EYA2: variants seen among roughly 807,000 people sequenced by gnomAD.
EYA2 encodes the protein protein phosphatase EYA2.
In EYA2, 31 loss-of-function variants were observed where a neutral mutation model predicts 69.2. The ratio of observed to expected loss-of-function variants is 0.45; its 90% CI spans 0.34 to 0.60. The LOEUF is 0.60. Among genes scored for constraint, EYA2 ranks in the 20% least tolerant of loss-of-function variants. The pLI is 0.02. For synonymous variants in EYA2, 257 were observed against 279.4 expected (o/e 0.92, Z 0.80); for missense variants, 622 against 701.2 (o/e 0.89, Z 1.28).
intron 9 of EYA2, among the ~76,000 whole-genome samples, chr20:47,140,336 C>A (rs779029012): frequency 6.6e-6 from 1 of 152,132 alleles, no homozygotes; most frequent in African/African-American, 2.4e-5. Context: ...CTTTGGCTCT[C>A]GGGGCCTTGA....
chr20:47,086,952 A>G (rs555779332), intron 7 of EYA2, among the ~76,000 whole-genome samples: 3 of 152,190 alleles, frequency 2.0e-5, no homozygotes, highest in Non-Finnish European at 2.9e-5. Flanking sequence ...TAAGCCCAGT[A>G]GCCTTAAACT....
At chr20:47,165,865 C>T (rs568048436) in intron 10 of EYA2, among the ~76,000 whole-genome samples, 6 of 152,200 alleles carry the variant, frequency 3.9e-5, no homozygotes, top group Admixed American at 1.3e-4. Context: ...CCCTCTCTTG[C>T]CTCCCTAAAC....
intron 4 of EYA2, among the ~76,000 whole-genome samples, chr20:47,009,762 C>T (rs560723152): frequency 6.6e-6 from 1 of 152,300 alleles, no homozygotes; most frequent in South Asian, 2.1e-4. Context: ...AACGAATGGG[C>T]TGTCTATGTC....
chr20:46,938,149 T>C (rs1261607610), intron 1 of EYA2, among the ~76,000 whole-genome samples: 1 of 152,238 alleles, frequency 6.6e-6, no homozygotes, highest in Non-Finnish European at 1.5e-5. Context: ...TCCCCAGCTC[T>C]TTAATTTGGA....
intron 1 of EYA2, among the ~76,000 whole-genome samples, chr20:46,963,912 CAGAG>C (rs773378198): frequency 5.3e-5 from 8 of 152,190 alleles, no homozygotes; most frequent in Non-Finnish European, 1.0e-4. Context: ...CAGGAGGAGA[CAGAG>C]AGAGATGAGG....
At chr20:46,913,668 T>C (rs1262975981) in intron 1 of EYA2, among the ~76,000 whole-genome samples, 4 of 152,068 alleles carry the variant, frequency 2.6e-5, no homozygotes, top group African/African-American at 9.7e-5. Flanking sequence ...GCTTTTAAGA[T>C]AGAGCCGATA....
chr20:46,956,509 A>G (rs573542275), intron 1 of EYA2, among the ~76,000 whole-genome samples: 35 of 152,174 alleles, frequency 2.3e-4, no homozygotes, highest in Non-Finnish European at 4.7e-4. Flanking sequence ...TTCTCCCTAT[A>G]GTGTCTCAGA....
chr20:46,976,764 G>A (rs1413119498), intron 1 of EYA2, among the ~76,000 whole-genome samples: 1 of 152,166 alleles, frequency 6.6e-6, no homozygotes, highest in Non-Finnish European at 1.5e-5. Context: ...ACATTCCGTG[G>A]GGAATATAGA....
intron 1 of EYA2, among the ~76,000 whole-genome samples, chr20:46,967,799 C>G (rs1431966488): frequency 6.6e-6 from 1 of 152,196 alleles, no homozygotes; most frequent in Non-Finnish European, 1.5e-5. Flanking sequence ...GGAGAGACAG[C>G]TGCTGCTTGC....
At chr20:47,105,986 C>T (rs2032567804) in intron 9 of EYA2, among the ~76,000 whole-genome samples, 1 of 152,210 alleles carries the variant, frequency 6.6e-6, no homozygotes, top group Admixed American at 6.5e-5. Flanking sequence ...ACTCCCTGGC[C>T]TGAGTGACTG....
chr20:47,049,554 T>TC (rs1568745340), intron 5 of EYA2, among the ~76,000 whole-genome samples: 1 of 152,092 alleles, frequency 6.6e-6, no homozygotes, highest in Non-Finnish European at 1.5e-5. Flanking sequence ...GTCTGGGACC[T>TC]CCCCCTTTCC....
At chr20:47,169,337 T>G (rs1474263570) in intron 11 of EYA2, 140 bp downstream of exon 11, 3 of 813,690 alleles carry the variant, frequency 3.7e-6, no homozygotes, top group Non-Finnish European at 6.2e-6. Context: ...CTGGGACTTT[T>G]GCATCTCAGA....
chr20:47,122,410 C>T (rs1399298156), intron 9 of EYA2, among the ~76,000 whole-genome samples: 3 of 150,816 alleles, frequency 2.0e-5, no homozygotes, highest in Admixed American at 6.6e-5. Context: ...TCTCCTGCCT[C>T]AGCCTCCCAA....
At chr20:46,948,463 A>C (rs1978605828) in intron 1 of EYA2, among the ~76,000 whole-genome samples, 1 of 152,174 alleles carries the variant, frequency 6.6e-6, no homozygotes, top group African/African-American at 2.4e-5. Context: ...TTATTAACCC[A>C]TCTATGGGTG....
intron 10 of EYA2, among the ~76,000 whole-genome samples, chr20:47,152,805 A>C (rs6094612): frequency 0.2 from 29,369 of 145,168 alleles, 3,354 homozygotes; most frequent in African/African-American, 0.31. Context: ...AGCAAGACTC[A>C]GTCTCAAAAA....
intron 7 of EYA2, among the ~76,000 whole-genome samples, chr20:47,077,829 T>C (rs1230967640): frequency 1.3e-5 from 2 of 152,246 alleles, no homozygotes; most frequent in Non-Finnish European, 2.9e-5. Context: ...AGTTTTTCTC[T>C]GTCATCATCT....
At chr20:47,010,858 G>T (rs1983018990) in intron 4 of EYA2, among the ~76,000 whole-genome samples, 1 of 150,258 alleles carries the variant, frequency 6.7e-6, no homozygotes, top group Non-Finnish European at 1.5e-5. Flanking sequence ...CATGATCTCG[G>T]CTCACTGCAA....
At chr20:46,983,357 T>C (rs1229077483) in intron 1 of EYA2, among the ~76,000 whole-genome samples, 1 of 152,196 alleles carries the variant, frequency 6.6e-6, no homozygotes, top group African/African-American at 2.4e-5. Context: ...TTGATGATAG[T>C]AGAGGCAAAT....
At chr20:46,963,067 G>T (rs973643029) in intron 1 of EYA2, among the ~76,000 whole-genome samples, 1 of 152,210 alleles carries the variant, frequency 6.6e-6, no homozygotes, top group Non-Finnish European at 1.5e-5. Flanking sequence ...ACACTGACTC[G>T]CACAGTGCCT....
Sources: allele counts gnomAD v4.1 joint callset (sites outside exome capture counted in the v4.1 genomes callset), GRCh38; gene constraint gnomAD v4.1.1; transcripts MANE v1.5; gene names NCBI Gene and HGNC (gene_info 2026-07-23, HGNC 2026-07-21).